The following PLXDC2 variants were observed in gnomAD, a reference collection of about 807,000 sequenced individuals.
The protein encoded by PLXDC2 is plexin domain containing 2.
A neutral mutation model predicts 68.9 loss-of-function variants in PLXDC2; 40 were observed. The observed-to-expected ratio is 0.58, with a 90% CI of 0.45 to 0.76. The LOEUF is 0.76. Among genes scored for constraint, PLXDC2 ranks in the 30% least tolerant of loss-of-function variants. The probability of loss-of-function intolerance (pLI) is 0.00; values close to 1 mark genes in which losing one functional copy is unlikely to be tolerated. For synonymous variants in PLXDC2, 243 were observed against 234.2 expected (o/e 1.04, Z -0.34); for missense variants, 644 against 661.9 (o/e 0.97, Z 0.30).
chr10:20,102,056 C>T (rs911940184), intron 4 of PLXDC2, among the ~76,000 whole-genome samples: 1 of 152,134 alleles, frequency 6.6e-6, no homozygotes, highest in Non-Finnish European at 1.5e-5. Context: ...CCCGCCTCGC[C>T]TATCAAAGTG....
intron 7 of PLXDC2, among the ~76,000 whole-genome samples, chr10:20,172,933 T>G (rs1434924902): frequency 6.6e-6 from 1 of 152,196 alleles, no homozygotes; most frequent in Non-Finnish European, 1.5e-5. Context: ...TTTCAGAGAA[T>G]TAGAACTACA....
intron 2 of PLXDC2, among the ~76,000 whole-genome samples, chr10:20,040,797 G>C (rs1302238433): frequency 6.6e-6 from 1 of 152,138 alleles, no homozygotes; most frequent in Non-Finnish European, 1.5e-5. Context: ...TACTATGTTT[G>C]AGGAAAATAA....
chr10:19,942,425 G>C (rs1037170487), intron 1 of PLXDC2, among the ~76,000 whole-genome samples: 1 of 152,156 alleles, frequency 6.6e-6, no homozygotes, highest in Admixed American at 6.5e-5. Context: ...GGCAAGTTCT[G>C]TAGTTACTAT....
At chr10:20,133,982 G>T (rs981979827) in intron 4 of PLXDC2, among the ~76,000 whole-genome samples, 19 of 152,104 alleles carry the variant, frequency 1.2e-4, no homozygotes, top group African/African-American at 4.6e-4. Context: ...GCTTTAACAA[G>T]TCTGCTGTTG....
intron 13 of PLXDC2, among the ~76,000 whole-genome samples, chr10:20,247,360 C>G (rs767675961): frequency 6.6e-6 from 1 of 151,618 alleles, no homozygotes; most frequent in Non-Finnish European, 1.5e-5. Context: ...GCCTGTAGTC[C>G]AAGCTACTTG....
At chr10:20,065,168 G>T (rs1025826829) in intron 3 of PLXDC2, among the ~76,000 whole-genome samples, 16 of 152,300 alleles carry the variant, frequency 1.1e-4, no homozygotes, top group East Asian at 7.7e-4. Flanking sequence ...ACTGACCAAG[G>T]TTGAGAGAAT....
At chr10:19,841,410 C>G (rs1836901882) in intron 1 of PLXDC2, among the ~76,000 whole-genome samples, 2 of 151,844 alleles carry the variant, frequency 1.3e-5, no homozygotes, top group Admixed American at 1.3e-4. Context: ...ATATTTCTTT[C>G]AAGTTATGAA....
chr10:20,240,306 G>A (rs529100917), intron 12 of PLXDC2, among the ~76,000 whole-genome samples: 3 of 152,206 alleles, frequency 2.0e-5, no homozygotes, highest in South Asian at 4.1e-4. Flanking sequence ...TGGTGTATAT[G>A]GACAACATTT....
chr10:20,173,327 T>G (rs1318838159), intron 7 of PLXDC2, among the ~76,000 whole-genome samples: 1 of 152,184 alleles, frequency 6.6e-6, no homozygotes, highest in Non-Finnish European at 1.5e-5. Flanking sequence ...ACTTACACAA[T>G]ATGAGTAAGC....
rs1835061054 is a variant in PLXDC2, at chr10:20,210,906, A to C, written c.1062-763A>C. Among the ~76,000 whole-genome samples, 3 of 152,178 alleles carry C rather than the reference A, an allele frequency of 2.0e-5. No homozygotes were observed. The South Asian group carries it at 6.2e-4, about 31-fold the overall frequency. On this transcript the variant is annotated intron_variant, in intron 9 of 13. Coordinates refer to ENST00000377252, the MANE Select transcript of PLXDC2 (RefSeq NM_032812.9). ...CAGGGTTTTTATTAAGGGTTCATTC[A>C]TCAGGATAGAATGCCCTTGTGACTA...
At chr10:20,003,098 C>T (rs998560120) in intron 2 of PLXDC2, among the ~76,000 whole-genome samples, 5 of 152,068 alleles carry the variant, frequency 3.3e-5, no homozygotes, top group South Asian at 2.1e-4. Flanking sequence ...CAGGGTTGCT[C>T]GAAGGCCTCA....
chr10:20,149,246 T>TG (rs1834120935), intron 6 of PLXDC2, among the ~76,000 whole-genome samples: 1 of 131,510 alleles, frequency 7.6e-6, no homozygotes. Context: ...TTTTTTTTTT[T>TG]TTTTTTTTTG....
intron 1 of PLXDC2, among the ~76,000 whole-genome samples, chr10:19,898,384 G>T (rs1445458787): frequency 1.3e-5 from 2 of 152,188 alleles, no homozygotes; most frequent in East Asian, 3.9e-4. Context: ...TCTTTCTCGC[G>T]CTGCACTTAC....
At position 20,080,653 on chromosome 10, in the gene PLXDC2, A is replaced by T. The variant is rs7071511; in HGVS notation, c.541+12414A>T. Among the ~76,000 whole-genome samples the T allele has an allele frequency of 2.3e-3, 352 of 152,108 alleles. 2 individuals are homozygous for T. The highest frequency in any genetic ancestry group is 7.9e-3 in the African/African-American group (327 of 41,484). Reference sequence around the variant, plus strand: ...CTGGCAGCTGATTCGATGGTGCCCAACCCCATTGAGGGTGGGTCTGCCTCT... The same window carrying T: ...CTGGCAGCTGATTCGATGGTGCCCATCCCCATTGAGGGTGGGTCTGCCTCT... On this transcript the variant is annotated intron_variant, in intron 4 of 13. Transcript: ENST00000377252.
At chr10:20,146,487 TTTTCCTTC>T (rs1834081277) in intron 5 of PLXDC2, among the ~76,000 whole-genome samples, 1 of 40,366 alleles carries the variant, frequency 2.5e-5, no homozygotes, top group African/African-American at 8.3e-5. Context: ...TTTCTTTTCT[TTTTCCTTC>T]CTTCCTTCCT....
intron 10 of PLXDC2, among the ~76,000 whole-genome samples, chr10:20,212,142 AG>A (rs1835078006): frequency 6.6e-6 from 1 of 151,846 alleles, no homozygotes; most frequent in Non-Finnish European, 1.5e-5. Flanking sequence ...GTAAATGGCT[AG>A]GGAATAGTAG....
chr10:19,859,244 AAAAC>A (rs146784278), intron 1 of PLXDC2, among the ~76,000 whole-genome samples: 17 of 151,880 alleles, frequency 1.1e-4, no homozygotes, highest in South Asian at 4.2e-4. Context: ...CACAGGGCAA[AAAAC>A]AAACAAACAA....
intron 1 of PLXDC2, among the ~76,000 whole-genome samples, chr10:19,898,882 A>G (rs1253857495): frequency 2.0e-5 from 3 of 152,218 alleles, no homozygotes; most frequent in African/African-American, 7.2e-5. Context: ...TTAAACAAAT[A>G]TTTACTTGGA....
intron 4 of PLXDC2, among the ~76,000 whole-genome samples, chr10:20,095,335 A>G (rs758215353): frequency 5.3e-5 from 8 of 152,152 alleles, no homozygotes; most frequent in Non-Finnish European, 8.8e-5. Context: ...CCTAGGTGCA[A>G]TAAATTCAGA....
Sources: gnomAD v4.1 joint callset for allele counts (sites outside exome capture counted in the v4.1 genomes callset) on GRCh38, gnomAD v4.1.1 for gene constraint, MANE v1.5 for transcripts, NCBI Gene and HGNC (gene_info 2026-07-23, HGNC 2026-07-21) for gene names.